Variants in SCO2 observed in about 807,000 individuals in gnomAD.
The protein encoded by SCO2 is cytochrome c oxidase assembly factor SCO2.
For synonymous variants in SCO2, 195 were observed against 148.6 expected (o/e 1.31, Z -2.27); for missense variants, 429 against 348.7 (o/e 1.23, Z -1.83).
At chr22:50,525,759 G>A (rs919656439), upstream of SCO2, 9 of 1,609,676 alleles carry the variant, frequency 5.6e-6, no homozygotes, top group East Asian at 2.2e-5. Flanking sequence ...AGGTTTCGCG[G>A]CAAAGGAGCT....
Position 50,525,523 on chromosome 22 carries a change from C to A in SCO2, c.-65G>T. On this transcript the variant is annotated 5_prime_UTR_variant, in exon 1 of 2. The change creates a new upstream start codon in the 5' untranslated region. Transcript: ENST00000395693. ...ACCAAGCACGAGAGGAAGCGCCGAC[C>A]TCCAGCTCCCTGCGCTCTGCCCCGC... is the stretch of plus-strand genomic sequence containing the variant. The A allele has an allele frequency of 1.7e-6, 1 of 586,500 alleles. No homozygotes were observed. Among genetic ancestry groups the A allele is most frequent in the South Asian group, 2.1e-5 (1 of 48,584 alleles). The allele number at this position is 586,500 out of a possible 1,614,324, so 36.3% of individuals were successfully genotyped here.
Position 50,524,365 on chromosome 22 carries a change from TGA to T in SCO2, c.45_46del (p.Gln16AlafsTer65), listed in dbSNP as rs1248665081. ...CCCAGGGAGGACCCGAGGCTTGAGC[TGA>T]GAGAGCCTGTGCCAAGCTGTGGGGC... On this transcript the variant is annotated frameshift_variant, in exon 2 of 2. Transcript: ENST00000395693. LOFTEE classifies it low-confidence loss of function (END_TRUNC). 10 of 1,602,390 alleles carry T rather than the reference TGA, an allele frequency of 6.2e-6. No homozygotes were observed. In the East Asian group the frequency reaches 1.3e-4, roughly 21 times the overall value.
At position 50,524,026 on chromosome 22, in the gene SCO2, C is replaced by A. The variant is rs1364707310; in HGVS notation, c.386G>T (p.Gly129Val). Residue 129 changes from glycine to valine, a missense_variant, in exon 2 of 2, where the codon GGC (glycine) becomes GTC (valine). By Grantham distance (109) the Gly-to-Val change is moderately radical. Coordinates refer to ENST00000395693, the MANE Select transcript of SCO2 (RefSeq NM_005138.3). Reference protein sequence around the residue: ...FRGQWVLMYFGFTHCPDICPD... With the variant: ...FRGQWVLMYFVFTHCPDICPD... ...GCAGATGTCAGGGCAGTGAGTGAAG[C>A]CAAAGTACATCAGCACCCACTGGCC... The A allele has an allele frequency of 6.2e-7, 1 of 1,613,570 alleles. No individual in the cohort carries two copies. Among genetic ancestry groups the A allele is most frequent in the East Asian group, 2.2e-5 (1 of 44,886 alleles).
chr22:50,525,272 C>G (rs766320535), intron 1 of SCO2, among the ~76,000 whole-genome samples, 200 bp downstream of exon 1: 7 of 152,236 alleles, frequency 4.6e-5, no homozygotes, highest in Non-Finnish European at 1.0e-4. Context: ...GCCGCGCGAG[C>G]GCGTTATAAC....
At chr22:50,526,017 A>T (rs1138404), upstream of SCO2, 163,869 of 1,470,092 alleles carry the variant, frequency 0.11, 10,217 homozygotes, top group African/African-American at 0.23. Context: ...GCAGCCTCTG[A>T]CCCACGTCGA....
At chr22:50,525,964 G>T (rs1252213474), upstream of SCO2, 9 of 1,390,326 alleles carry the variant, frequency 6.5e-6, no homozygotes, top group Middle Eastern at 2.6e-4. Context: ...GGAGCTGGGC[G>T]GGGGTGCGGG....
At chr22:50,524,833 C>T (rs1603441713) in intron 1 of SCO2, 1 of 372,954 alleles carries the variant, frequency 2.7e-6, no homozygotes, top group South Asian at 2.0e-5. Context: ...TCCTCCAACA[C>T]TTTCCTGTTA....
At chr22:50,526,008 C>T (rs2069346452), upstream of SCO2, 2 of 1,449,132 alleles carry the variant, frequency 1.4e-6, no homozygotes, top group South Asian at 1.4e-5. Flanking sequence ...CACCACGGCG[C>T]AGCCTCTGAC....
In SCO2 at chr22:50,524,286, G is replaced by T. The variant is rs2069229178; in HGVS notation, c.126C>A (p.Gly42=). ...GGCCCTGCCCACCTGTCTCTGCAGG[G>T]CCCTGCCTTGACAAAAGCCAGGACC... ...HLRSWLLSRQ[G]PAETGGQGQP... The change falls in exon 2 of 2, where the codon GGC becomes GGA. Residue 42 remains glycine, a synonymous_variant. Transcript: ENST00000395693. 1.2e-6 allele frequency: 2 copies of T among 1,603,214 alleles called. No individual in the cohort carries two copies. Among genetic ancestry groups the T allele is most frequent in the South Asian group, 2.2e-5 (2 of 91,064 alleles).
Position 50,523,706 on chromosome 22 carries a change from G to C in SCO2, c.706C>G (p.Leu236Val). 1 of 1,614,200 alleles carries C rather than the reference G, an allele frequency of 6.2e-7. No individual in the cohort carries two copies. The highest frequency in any genetic ancestry group is 8.5e-7 in the Non-Finnish European group (1 of 1,180,028). Residue 236 changes from leucine to valine, a missense_variant, in exon 2 of 2, where the codon CTC becomes GTC. By Grantham distance (32) the Leu-to-Val change is conservative. Transcript: ENST00000395693. ...CTCCGGCCGTAGTAATCCGTGAAGA[G>C]GCCGTCAGGGTTGAGCAGGTAGATG... ...IAIYLLNPDGLFTDYYGRSRS... is the reference protein window; with the variant it reads ...IAIYLLNPDGVFTDYYGRSRS...
At chr22:50,526,146 G>C (rs1209454912), upstream of SCO2, 9 of 1,482,354 alleles carry the variant, frequency 6.1e-6, no homozygotes, top group Non-Finnish European at 7.1e-6. Context: ...CGGTGCCTGC[G>C]GGGAGAGGGG....
At chr22:50,526,303 G>A, upstream of SCO2, 1 of 1,557,788 alleles carries the variant, frequency 6.4e-7, no homozygotes, top group Non-Finnish European at 8.6e-7. Context: ...AGCTGCCGGC[G>A]TTCTGCGGGA....
At chr22:50,524,511 A>T (rs111623618) in intron 1 of SCO2, 87 bp from the exon 2 acceptor site, 1 of 1,245,754 alleles carries the variant, frequency 8.0e-7, no homozygotes, top group Admixed American at 1.9e-5. Context: ...CCAGCCACCC[A>T]TCTGAAGGAC....
rs145678414 is a variant in SCO2 at position 50,523,893 on chromosome 22, G to A, written c.519C>T (p.Asp173=). Residue 173 remains aspartate (D), a synonymous_variant, in exon 2 of 2, where the codon GAC becomes GAT. Coordinates refer to ENST00000395693, the MANE Select transcript of SCO2 (RefSeq NM_005138.3). The stretch of plus-strand genomic sequence containing the variant: ...GGACGTAGCGGGCCATGGCTTCAAC[G>A]TCGTCCCGCTCGGGGTCCACAGTGA... ...VFITVDPERD[D]VEAMARYVQD... The A allele has an allele frequency of 4.7e-5, 76 of 1,613,734 alleles. No homozygotes were observed. Among genetic ancestry groups the A allele is most frequent in the Non-Finnish European group, 6.2e-5 (73 of 1,180,006 alleles).
rs1219847867 is a variant in SCO2, at chr22:50,524,049, GC to G, written c.362del (p.Gly121AlafsTer5). The G allele has an allele frequency of 9.9e-6, 16 of 1,613,452 alleles. No homozygotes were observed. Among genetic ancestry groups the G allele is most frequent in the Non-Finnish European group, 1.3e-5 (15 of 1,180,032 alleles). ...GRARCKADFR[G>X]QWVLMYFGFT... is the part of the protein sequence containing the mutation. ...AGCCAAAGTACATCAGCACCCACTG[GC>G]CCCGGAAGTCAGCCTTGCAGCGAGC... On this transcript the variant is annotated frameshift_variant, in exon 2 of 2. Transcript: ENST00000395693. LOFTEE classifies it low-confidence loss of function (END_TRUNC).
chr22:50,523,663 ATC>A lies in SCO2; in HGVS notation c.747_748del (p.Gln249HisfsTer?). On this transcript the variant is annotated frameshift_variant, in exon 2 of 2. Transcript: ENST00000395693. LOFTEE classifies it high-confidence loss of function. Reference sequence around the variant, plus strand: ...CATGTGCCGCCGCACACTGTCTGAGATCTGCTCAGCCGATCTGCTCCGGCCGT... The same window carrying A: ...CATGTGCCGCCGCACACTGTCTGAGATGCTCAGCCGATCTGCTCCGGCCGT... The A allele has an allele frequency of 6.2e-7, 1 of 1,614,036 alleles. No homozygotes were observed. Among genetic ancestry groups the A allele is most frequent in the Non-Finnish European group, 8.5e-7 (1 of 1,180,018 alleles).
chr22:50,525,751 G>A (rs1379393134), upstream of SCO2: 1 of 1,608,942 alleles, frequency 6.2e-7, no homozygotes, highest in East Asian at 2.2e-5. Context: ...CACTGACAAG[G>A]TTTCGCGGCA....
intron 1 of SCO2, chr22:50,524,666 C>T (rs1335538248): frequency 8.8e-6 from 6 of 683,786 alleles, no homozygotes; most frequent in Admixed American, 2.0e-5. Context: ...CGCACCCTGC[C>T]CTGCACCTGC....
chr22:50,525,983 G>T (rs1168272209), upstream of SCO2: 1 of 1,398,630 alleles, frequency 7.1e-7, no homozygotes, highest in South Asian at 1.6e-5. Context: ...GGGCCAGCAG[G>T]GCGGGGGCGG....
Sources: allele counts gnomAD v4.1 joint callset (sites outside exome capture counted in the v4.1 genomes callset), GRCh38; gene constraint gnomAD v4.1.1; transcripts MANE v1.5; gene names NCBI Gene and HGNC (gene_info 2026-07-23, HGNC 2026-07-21).